AK5: variants seen among roughly 807,000 people sequenced by gnomAD.
AK5 encodes adenylate kinase 5, also known as adenylate kinase isoenzyme 5.
AK5 carries 27 observed loss-of-function variants against 69.5 expected under a neutral mutation model. The observed-to-expected ratio is 0.39, with a 90% CI of 0.29 to 0.54. AK5 has a LOEUF of 0.54. AK5 is among the 20% of genes least tolerant of loss of function. The pLI, the probability that AK5 is intolerant of heterozygous loss-of-function variation, is 0.71. For synonymous variants in AK5, 260 were observed against 244.4 expected (o/e 1.06, Z -0.60); for missense variants, 531 against 700.4 (o/e 0.76, Z 2.73).
chr1:77,350,845 A>G (rs1485143829), intron 6 of AK5, among the ~76,000 whole-genome samples: 1 of 152,230 alleles, frequency 6.6e-6, no homozygotes, highest in African/African-American at 2.4e-5. Flanking sequence ...AAGCTAAAGC[A>G]TTATCAAGTG....
intron 6 of AK5, among the ~76,000 whole-genome samples, chr1:77,351,163 A>T (rs1010603670): frequency 1.3e-5 from 2 of 152,116 alleles, no homozygotes; most frequent in Non-Finnish European, 2.9e-5. Context: ...GGAGGCTGAA[A>T]TGGGTGGATT....
chr1:77,475,434 TG>T (rs1557620129), intron 8 of AK5, among the ~76,000 whole-genome samples: 10 of 3,962 alleles, frequency 2.5e-3, no homozygotes, highest in African/African-American at 4.3e-3. Flanking sequence ...ATTATATATA[TG>T]TATATATATT....
Position 77,559,573 on chromosome 1 carries a change from A to AAAT in AK5, c.*905_*907dup, listed in dbSNP as rs1324499230. 41 of 152,346 alleles carry AAAT rather than the reference A, an allele frequency of 2.7e-4. No homozygotes were observed. Among genetic ancestry groups the AAAT allele is most frequent in the African/African-American group, 8.9e-4 (37 of 41,580 alleles). The allele number at this position is 152,346 out of a possible 1,614,324, so 9.4% of individuals were successfully genotyped here. ...TTTATTTGTTGCCAAGCAAGTAAAA[A>AAAT]AATACCCTAACAAACCTGATGTGGG... On this transcript the variant is annotated 3_prime_UTR_variant, in exon 14 of 14. Transcript: ENST00000354567.
At chr1:77,477,282 C>A (rs1319115536) in intron 8 of AK5, among the ~76,000 whole-genome samples, 23 of 152,208 alleles carry the variant, frequency 1.5e-4, no homozygotes, top group Admixed American at 1.5e-3. Context: ...CCCTCCTTGG[C>A]CTTCCAAAGT....
intron 13 of AK5, among the ~76,000 whole-genome samples, chr1:77,558,035 TTTAAG>T (rs112286280): frequency 1.3e-5 from 2 of 152,120 alleles, no homozygotes; most frequent in African/African-American, 2.4e-5. Flanking sequence ...GTAATATATA[TTTAAG>T]TTTAGTGCTG....
intron 10 of AK5, among the ~76,000 whole-genome samples, chr1:77,496,275 A>G (rs1388721959): frequency 6.6e-6 from 1 of 152,174 alleles, no homozygotes; most frequent in East Asian, 1.9e-4. Flanking sequence ...GATGAGATGG[A>G]TGGGAAGTGG....
chr1:77,332,934 C>G (rs1661165781), intron 5 of AK5, among the ~76,000 whole-genome samples: 1 of 151,602 alleles, frequency 6.6e-6, no homozygotes, highest in Non-Finnish European at 1.5e-5. Context: ...TGACTTTCTC[C>G]TTTTAGTTCT....
At chr1:77,329,338 A>T (rs1660971589) in intron 5 of AK5, among the ~76,000 whole-genome samples, 1 of 152,090 alleles carries the variant, frequency 6.6e-6, no homozygotes, top group East Asian at 1.9e-4. Context: ...TTCTGTGTAG[A>T]AAGTTTCTTA....
At chr1:77,397,289 C>T (rs1394867539) in intron 6 of AK5, among the ~76,000 whole-genome samples, 1 of 152,190 alleles carries the variant, frequency 6.6e-6, no homozygotes, top group Non-Finnish European at 1.5e-5. Context: ...CACGTACCCA[C>T]CGCCTGGCCC....
intron 5 of AK5, among the ~76,000 whole-genome samples, chr1:77,333,344 A>G (rs1048505657): frequency 6.6e-6 from 1 of 152,172 alleles, no homozygotes; most frequent in Non-Finnish European, 1.5e-5. Context: ...AACAGCAAGT[A>G]CTTGAGTTTT....
At chr1:77,541,295 A>C (rs1427927968) in intron 13 of AK5, among the ~76,000 whole-genome samples, 1 of 152,156 alleles carries the variant, frequency 6.6e-6, no homozygotes, top group Non-Finnish European at 1.5e-5. Context: ...GTGGTGGAAC[A>C]CATCTGTGGT....
intron 7 of AK5, 27 bp downstream of exon 7, chr1:77,411,098 A>G (rs1165428644): frequency 4.4e-6 from 7 of 1,592,026 alleles, no homozygotes; most frequent in Non-Finnish European, 5.2e-6. Flanking sequence ...TTTAGACAAC[A>G]GTACGCCGTG....
At chr1:77,452,397 A>G (rs1653213023) in intron 8 of AK5, among the ~76,000 whole-genome samples, 1 of 152,240 alleles carries the variant, frequency 6.6e-6, no homozygotes, top group Non-Finnish European at 1.5e-5. Flanking sequence ...TACTTTAATA[A>G]TAAATCAAGG....
chr1:77,326,404 TA>T (rs1288191460), intron 5 of AK5, among the ~76,000 whole-genome samples: 1 of 151,474 alleles, frequency 6.6e-6, no homozygotes, highest in African/African-American at 2.4e-5. Flanking sequence ...AACTTATTCC[TA>T]AAAAAAAGAT....
intron 8 of AK5, among the ~76,000 whole-genome samples, chr1:77,458,628 A>G (rs1653644643): frequency 6.6e-6 from 1 of 152,192 alleles, no homozygotes; most frequent in African/African-American, 2.4e-5. Flanking sequence ...GAGCTTGTGC[A>G]GAGAAACTCC....
intron 6 of AK5, among the ~76,000 whole-genome samples, chr1:77,365,127 G>T (rs1422628602): frequency 6.6e-6 from 1 of 151,988 alleles, no homozygotes; most frequent in African/African-American, 2.4e-5. Context: ...TAGTGATATT[G>T]AACATTTTTT....
In AK5 at chr1:77,341,292, G is replaced by A. The variant is rs78210026; in HGVS notation, c.891+724G>A. On this transcript the variant is annotated intron_variant, in intron 6 of 13. Coordinates refer to ENST00000354567, the MANE Select transcript of AK5 (RefSeq NM_174858.3). Reference sequence around the variant, plus strand: ...CAGCATCAGATTCCAGCATTAAAGCGTAGAGGAGACAAAGAGGATAATGGG... The same window carrying A: ...CAGCATCAGATTCCAGCATTAAAGCATAGAGGAGACAAAGAGGATAATGGG... Among the ~76,000 whole-genome samples the A allele has an allele frequency of 5.9e-3, 892 of 152,278 alleles. 12 individuals are homozygous for A. Among genetic ancestry groups the A allele is most frequent in the African/African-American group, 0.02 (848 of 41,542 alleles).
intron 8 of AK5, among the ~76,000 whole-genome samples, chr1:77,471,731 TA>T (rs1404760544): frequency 2.6e-5 from 4 of 152,138 alleles, no homozygotes; most frequent in African/African-American, 9.7e-5. Context: ...CACAGCAAAT[TA>T]AATTGGTAGT....
At chr1:77,357,328 C>T (rs1464892955) in intron 6 of AK5, among the ~76,000 whole-genome samples, 1 of 151,956 alleles carries the variant, frequency 6.6e-6, no homozygotes, top group Non-Finnish European at 1.5e-5. Context: ...ATGAAATGTC[C>T]TCATCTGTAA....
Sources: gnomAD v4.1 joint callset for allele counts (sites outside exome capture counted in the v4.1 genomes callset) on GRCh38, gnomAD v4.1.1 for gene constraint, MANE v1.5 for transcripts, NCBI Gene and HGNC (gene_info 2026-07-23, HGNC 2026-07-21) for gene names.